Variants in LCLAT1 observed in about 807,000 individuals in gnomAD.
LCLAT1 encodes the protein lysocardiolipin acyltransferase 1, also known as 1-AGP acyltransferase 8.
LCLAT1 carries 11 observed loss-of-function variants against 30.7 expected under a neutral mutation model. The observed-to-expected ratio is 0.36, with a 90% CI of 0.23 to 0.59. The LOEUF is 0.59. Among genes scored for constraint, LCLAT1 ranks in the 20% least tolerant of loss-of-function variants. LCLAT1 has a pLI of 0.77. For synonymous variants in LCLAT1, 155 were observed against 151.3 expected, an observed-to-expected ratio of 1.02 and a Z score of -0.18; for missense variants, 402 against 458.6, an observed-to-expected ratio of 0.88 and a Z score of 1.13.
chr2:30,535,710 C>T (rs116088412), intron 3 of LCLAT1, among the ~76,000 whole-genome samples: 2,196 of 152,256 alleles, frequency 0.014, 28 homozygotes, highest in Non-Finnish European at 0.021. Context: ...GTGGCTGTTC[C>T]ATCATATGCA....
At chr2:30,454,867 A>G (rs755840406) in intron 1 of LCLAT1, among the ~76,000 whole-genome samples, 1 of 152,224 alleles carries the variant, frequency 6.6e-6, no homozygotes, top group Admixed American at 6.5e-5. Context: ...CAGGATGGAA[A>G]TAATCTAGAG....
At chr2:30,483,389 T>C (rs1472173339) in intron 1 of LCLAT1, among the ~76,000 whole-genome samples, 25 of 152,206 alleles carry the variant, frequency 1.6e-4, no homozygotes, top group Admixed American at 1.6e-3. Context: ...AAAAAGAATG[T>C]ATTTTTATAA....
chr2:30,601,294 G>T (rs1212258124), intron 5 of LCLAT1, among the ~76,000 whole-genome samples: 1 of 152,054 alleles, frequency 6.6e-6, no homozygotes, highest in Non-Finnish European at 1.5e-5. Flanking sequence ...TATAACAAGG[G>T]TTTCAAATAA....
chr2:30,554,380 G>C, intron 3 of LCLAT1, among the ~76,000 whole-genome samples: 1 of 152,270 alleles, frequency 6.6e-6, no homozygotes, highest in African/African-American at 2.4e-5. Context: ...AATTCTCTAA[G>C]GAGAATATAA....
intron 5 of LCLAT1, among the ~76,000 whole-genome samples, chr2:30,589,897 A>G (rs1374594939): frequency 5.3e-5 from 8 of 152,118 alleles, no homozygotes; most frequent in Non-Finnish European, 5.9e-5. Flanking sequence ...TTTTCCATTC[A>G]TCCATTGTTT....
chr2:30,450,997 T>TTG (rs983182471), intron 1 of LCLAT1, among the ~76,000 whole-genome samples: 15 of 152,000 alleles, frequency 9.9e-5, no homozygotes, highest in African/African-American at 3.6e-4. Flanking sequence ...GTGTGTTTAT[T>TTG]TGTGTGTGTG....
Position 30,461,770 on chromosome 2 carries a change from C to CCTTTTTTTTTTTTTTTT in LCLAT1, c.-5+14387_-5+14388insCTTTTTTTTTTTTTTTT, listed in dbSNP as rs760622200. ...TGTGGACCACTTTTTCTAAATTAAA[C>CCTTTTTTTTTTTTTTTT]TTTTTTTTTTTTTTTTTTGAGACGG... On this transcript the variant is annotated intron_variant, in intron 1 of 5. Transcript: ENST00000379509. Among the ~76,000 whole-genome samples, 194 of 131,718 alleles carry CCTTTTTTTTTTTTTTTT rather than the reference C, an allele frequency of 1.5e-3. 9 individuals carry two copies. Among genetic ancestry groups the CCTTTTTTTTTTTTTTTT allele is most frequent in the South Asian group, 3.2e-3 (12 of 3,796 alleles). 86.4% of individuals were successfully genotyped at this position (131,718 alleles called of 152,430 possible).
At chr2:30,598,731 T>C (rs2148487640) in intron 5 of LCLAT1, among the ~76,000 whole-genome samples, 1 of 152,278 alleles carries the variant, frequency 6.6e-6, no homozygotes, top group East Asian at 1.9e-4. Context: ...TCTAGTTCTT[T>C]TAGTTGTGAT....
At chr2:30,554,143 A>G (rs1490558495) in intron 3 of LCLAT1, among the ~76,000 whole-genome samples, 2 of 152,238 alleles carry the variant, frequency 1.3e-5, no homozygotes, top group African/African-American at 4.8e-5. Context: ...AAATATTAGA[A>G]AAGTTTTATA....
At chr2:30,472,631 T>A (rs829563) in intron 1 of LCLAT1, among the ~76,000 whole-genome samples, 114,413 of 152,088 alleles carry the variant, frequency 0.75, 44,475 homozygotes, top group East Asian at 0.94. Context: ...TTTGTAGTCA[T>A]TTTAATGACA....
intron 1 of LCLAT1, among the ~76,000 whole-genome samples, chr2:30,466,074 A>AT: frequency 6.6e-6 from 1 of 151,976 alleles, no homozygotes; most frequent in Non-Finnish European, 1.5e-5. Flanking sequence ...CTGACAAACT[A>AT]TTTTTCTTGC....
At chr2:30,611,547 T>C (rs1231967927) in intron 5 of LCLAT1, among the ~76,000 whole-genome samples, 1 of 152,176 alleles carries the variant, frequency 6.6e-6, no homozygotes, top group Non-Finnish European at 1.5e-5. Context: ...CTGACTCTGC[T>C]CTGCCCCATG....
At chr2:30,486,205 A>G (rs1683549878) in intron 1 of LCLAT1, among the ~76,000 whole-genome samples, 1 of 152,218 alleles carries the variant, frequency 6.6e-6, no homozygotes, top group Non-Finnish European at 1.5e-5. Flanking sequence ...AAAGAGCATT[A>G]TCTTAGAAAG....
intron 4 of LCLAT1, among the ~76,000 whole-genome samples, chr2:30,567,169 A>T (rs1665525468): frequency 6.6e-6 from 1 of 152,168 alleles, no homozygotes; most frequent in Non-Finnish European, 1.5e-5. Flanking sequence ...ATTTTGTTAT[A>T]TAGGGATTGT....
intron 3 of LCLAT1, among the ~76,000 whole-genome samples, chr2:30,533,844 T>C (rs1472761268): frequency 6.6e-6 from 1 of 152,214 alleles, no homozygotes; most frequent in Non-Finnish European, 1.5e-5. Flanking sequence ...TTATTTTAAA[T>C]GGCTAGGAAT....
At chr2:30,584,081 G>A (rs1666323922) in intron 5 of LCLAT1, among the ~76,000 whole-genome samples, 1 of 151,812 alleles carries the variant, frequency 6.6e-6, no homozygotes, top group African/African-American at 2.4e-5. Context: ...GTGTCCATGT[G>A]TTCTCATTGT....
intron 5 of LCLAT1, 117 bp downstream of exon 5, chr2:30,568,293 A>G (rs1287821922): frequency 5.5e-6 from 3 of 544,138 alleles, no homozygotes; most frequent in African/African-American, 3.9e-5. Context: ...AAGAAATGAG[A>G]TATTGTATTT....
chr2:30,604,621 C>T (rs1254028289), intron 5 of LCLAT1, among the ~76,000 whole-genome samples: 1 of 143,514 alleles, frequency 7.0e-6, no homozygotes, highest in East Asian at 2.0e-4. Context: ...GAGATCGTGC[C>T]ACTGCACTCC....
At chr2:30,637,099 C>T (rs1669072323) in intron 5 of LCLAT1, among the ~76,000 whole-genome samples, 1 of 152,110 alleles carries the variant, frequency 6.6e-6, no homozygotes, top group South Asian at 2.1e-4. Context: ...TGACAAGTTA[C>T]AAGAGGTAAA....
Sources: allele counts gnomAD v4.1 joint callset (sites outside exome capture counted in the v4.1 genomes callset), GRCh38; gene constraint gnomAD v4.1.1; transcripts MANE v1.5; gene names NCBI Gene and HGNC (gene_info 2026-07-23, HGNC 2026-07-21).